PIEZO2: variants seen among roughly 807,000 people sequenced by gnomAD.
PIEZO2 encodes piezo-type mechanosensitive ion channel component 2.
A neutral mutation model predicts 337.3 loss-of-function variants in PIEZO2; 172 were observed. That is an observed-to-expected ratio of 0.51 (90% CI 0.45 to 0.58). The LOEUF is 0.58. Ranked by LOEUF, PIEZO2 falls within the 20% of genes least tolerant of loss-of-function variation. PIEZO2 has a pLI of 0.00. For missense variants in PIEZO2, 3,028 were observed against 3,391.3 expected (o/e 0.89, Z 2.66); for synonymous variants, 1,251 against 1,228.5 (o/e 1.02, Z -0.38).
chr18:10,999,415 T>TA (rs2035455058), intron 2 of PIEZO2, among the ~76,000 whole-genome samples: 1 of 152,142 alleles, frequency 6.6e-6, no homozygotes, highest in African/African-American at 2.4e-5. Flanking sequence ...GAAAAATATA[T>TA]TTTTTAGAAA....
intron 42 of PIEZO2, 81 bp from the exon 43 acceptor site, chr18:10,702,252 C>G: frequency 2.2e-6 from 3 of 1,347,208 alleles, no homozygotes; most frequent in Non-Finnish European, 9.9e-7. Flanking sequence ...AGCAATATAA[C>G]AATTAAGAAA....
At chr18:10,706,392 G>T (rs1489653037) in intron 40 of PIEZO2, among the ~76,000 whole-genome samples, 3 of 152,072 alleles carry the variant, frequency 2.0e-5, no homozygotes, top group African/African-American at 7.2e-5. Context: ...CCTCGTCCCA[G>T]CTCCCTGCAC....
In PIEZO2 at chr18:10,773,199, AGTCGTCTG is replaced by A. The variant is rs2038663885; in HGVS notation, c.2785+205_2785+212del. 6.6e-6 allele frequency among the ~76,000 whole-genome samples: 1 copy of A among 152,064 alleles called. No individual in the cohort carries two copies. The highest frequency in any genetic ancestry group is 2.4e-5 in the African/African-American group (1 of 41,430). On this transcript the variant is annotated intron_variant, in intron 20 of 55. Coordinates refer to ENST00000674853, the MANE Select transcript of PIEZO2 (RefSeq NM_001378183.1). The surrounding 1 kb of genome is among the most constrained non-coding windows in gnomAD (Gnocchi z 5.3). ...ACTTGAGGGTCAGTCACTGATAACC[AGTCGTCTG>A]GTCTCTACTCAGTCAGAATTAAAAA...
In PIEZO2 at chr18:11,024,462, T is replaced by C. The variant is rs1215060902; in HGVS notation, c.160+41665A>G. On this transcript the variant is annotated intron_variant, in intron 2 of 55. Coordinates refer to ENST00000674853, the MANE Select transcript of PIEZO2 (RefSeq NM_001378183.1). ...TCAGGAGGCTGAGGCAGGAGAATGG[T>C]GTGAACCCGGGAGGCGGAGCTTGCA... 2.0e-4 allele frequency among the ~76,000 whole-genome samples: 28 copies of C among 142,634 alleles called. No individual in the cohort carries two copies. The South Asian group carries it at 3.8e-3, about 20-fold the overall frequency. The allele number at this position is 142,634 out of a possible 152,430, so 93.6% of individuals were successfully genotyped here. A position where few individuals can be genotyped will look rare whatever the true frequency, so the allele number is the denominator to read the frequency against.
Position 10,696,536 on chromosome 18 carries a change from C to A in PIEZO2, c.6831G>T (p.Thr2277=), listed in dbSNP as rs117799245. ...GTTTGATGGGCACATAGATCTCCAG[C>A]GTCCTGCAAAATGGAGACCCCCACC... is the stretch of plus-strand genomic sequence containing the variant. ...IKAKAFTIKK[T]LEIYVPIKQF... The change falls in exon 46 of 56, where the codon ACG becomes ACT. Residue 2277 remains threonine, a synonymous_variant. Transcript: ENST00000674853. The A allele has an allele frequency of 1.2e-6, 2 of 1,613,192 alleles. No individual in the cohort carries two copies.
At chr18:10,681,355 T>C (rs568186816) in intron 51 of PIEZO2, among the ~76,000 whole-genome samples, 1 of 152,344 alleles carries the variant, frequency 6.6e-6, no homozygotes, top group East Asian at 1.9e-4. Context: ...GAATTACTTC[T>C]TAGGACAGAT....
intron 49 of PIEZO2, among the ~76,000 whole-genome samples, chr18:10,688,122 C>T (rs905431216): frequency 2.0e-5 from 3 of 152,030 alleles, no homozygotes; most frequent in Non-Finnish European, 4.4e-5. Context: ...GCCCCCCATG[C>T]GTTAGGTATT....
At position 10,999,929 on chromosome 18, in the gene PIEZO2, C is replaced by T. The variant is rs147519890; in HGVS notation, c.161-20269G>A. 2.7e-3 allele frequency among the ~76,000 whole-genome samples: 405 copies of T among 152,168 alleles called. 2 individuals are homozygous for T. Among genetic ancestry groups the T allele is most frequent in the Non-Finnish European group, 3.0e-3 (205 of 68,020 alleles). The stretch of plus-strand genomic sequence containing the variant: ...ACTTCGAAATAAACTCAGAAGTCAA[C>T]CTTGTAGGTTAAGTACATGAAGTTG... On this transcript the variant is annotated intron_variant, in intron 2 of 55. Coordinates refer to ENST00000674853, the MANE Select transcript of PIEZO2 (RefSeq NM_001378183.1).
At position 10,726,740 on chromosome 18, in the gene PIEZO2, C is replaced by T; in HGVS notation, c.5029+4667G>A. 1 of 1,456,576 alleles carries T rather than the reference C, an allele frequency of 6.9e-7. No homozygotes were observed. Among genetic ancestry groups the T allele is most frequent in the South Asian group, 1.1e-5 (1 of 87,122 alleles). The allele number at this position is 1,456,576 out of a possible 1,614,324, so 90.2% of individuals were successfully genotyped here. On this transcript the variant is annotated intron_variant, in intron 36 of 55. Coordinates refer to ENST00000674853, the MANE Select transcript of PIEZO2 (RefSeq NM_001378183.1). The surrounding 1 kb of genome is among the most constrained non-coding windows in gnomAD (Gnocchi z 5.9). The stretch of plus-strand genomic sequence containing the variant: ...CTGTGCATTCTGGGACATCGCCAGA[C>T]CATCGATTTCCCGCTGCTGACCTCA...
intron 36 of PIEZO2, among the ~76,000 whole-genome samples, chr18:10,720,234 G>GCGTGTATATATATATATATATATATA (rs1555631512): frequency 3.3e-5 from 4 of 119,920 alleles, no homozygotes; most frequent in African/African-American, 1.3e-4. Context: ...GTGTGTGTGT[G>GCGTGTATATATATATATATATATATA]TATATATATA....
At chr18:10,916,954 G>A (rs1474487446) in intron 3 of PIEZO2, among the ~76,000 whole-genome samples, 1 of 151,652 alleles carries the variant, frequency 6.6e-6, no homozygotes, top group Non-Finnish European at 1.5e-5. Flanking sequence ...ATTCCACAAA[G>A]TTGTAGTGTC....
At chr18:10,701,845 TAAAA>T in intron 43 of PIEZO2, 140 bp downstream of exon 43, 2 of 316,470 alleles carry the variant, frequency 6.3e-6, no homozygotes, top group Non-Finnish European at 9.8e-6. Flanking sequence ...TTTTTTTTTT[TAAAA>T]AAAACATATG....
rs764640842 is a variant in PIEZO2 at position 10,696,296 on chromosome 18, A to G, written c.6976-8T>C. 8.7e-6 allele frequency: 14 copies of G among 1,614,110 alleles called. No individual in the cohort carries two copies. Among genetic ancestry groups the G allele is most frequent in the Non-Finnish European group, 1.2e-5 (14 of 1,179,940 alleles). On this transcript the variant is annotated splice_region_variant and splice_polypyrimidine_tract_variant and intron_variant, in intron 46 of 55. Coordinates refer to ENST00000674853, the MANE Select transcript of PIEZO2 (RefSeq NM_001378183.1). The stretch of plus-strand genomic sequence containing the variant: ...TGCAGCTGCTGAGTGTTTCTGGGGA[A>G]GAGACAACAAATTCATGCCCAAGAG...
intron 2 of PIEZO2, among the ~76,000 whole-genome samples, chr18:11,061,379 C>T (rs2145897525): frequency 6.6e-6 from 1 of 150,488 alleles, no homozygotes; most frequent in African/African-American, 2.4e-5. Context: ...CACTCCTATT[C>T]AACATAGTGT....
chr18:10,719,969 T>A (rs908123720), intron 36 of PIEZO2, among the ~76,000 whole-genome samples: 1 of 152,020 alleles, frequency 6.6e-6, no homozygotes, highest in Admixed American at 6.6e-5. Context: ...AGAACATTTA[T>A]AATTTGGTGT....
intron 20 of PIEZO2, among the ~76,000 whole-genome samples, chr18:10,772,347 A>G (rs917171698): frequency 9.2e-5 from 14 of 152,216 alleles, no homozygotes; most frequent in Admixed American, 2.0e-4. Context: ...GATTGAGAGA[A>G]AAGTGGCTGA....
intron 36 of PIEZO2, chr18:10,725,118 G>A (rs1234887675): frequency 5.4e-6 from 8 of 1,472,188 alleles, no homozygotes; most frequent in Non-Finnish European, 6.7e-6. Flanking sequence ...CACAGTTCGA[G>A]TACCAGGAGC....
intron 18 of PIEZO2, among the ~76,000 whole-genome samples, chr18:10,777,490 T>A (rs2038831023): frequency 6.6e-6 from 1 of 152,214 alleles, no homozygotes; most frequent in African/African-American, 2.4e-5. Context: ...ATTCACTGAA[T>A]CTTGGGTGAA....
intron 32 of PIEZO2, among the ~76,000 whole-genome samples, chr18:10,741,988 C>T (rs1219898009): frequency 6.9e-6 from 1 of 144,524 alleles, no homozygotes; most frequent in Non-Finnish European, 1.5e-5. Flanking sequence ...CCTGTCTCTA[C>T]TAAAAATACA....
Sources: gnomAD v4.1 joint callset for allele counts (sites outside exome capture counted in the v4.1 genomes callset) on GRCh38, gnomAD v4.1.1 for gene constraint, Gnocchi (gnomAD v3.1) non-coding constraint, MANE v1.5 for transcripts, NCBI Gene and HGNC (gene_info 2026-07-23, HGNC 2026-07-21) for gene names.